Variants in ATXN1 observed in about 807,000 individuals in gnomAD.
The protein encoded by ATXN1 is ataxin-1.
In ATXN1, 8 loss-of-function variants were observed where a neutral mutation model predicts 56.4. The observed-to-expected ratio is 0.14, with a 90% CI of 0.08 to 0.26. The LOEUF (loss-of-function observed/expected upper bound fraction) is 0.26, where lower values mean the gene tolerates loss of function less well. ATXN1 is among the 10% of genes least tolerant of loss of function. The pLI is 1.00. For synonymous variants in ATXN1, 514 were observed against 494.6 expected, an observed-to-expected ratio of 1.04 and a Z score of -0.52; for missense variants, 987 against 1,106.5, an observed-to-expected ratio of 0.89 and a Z score of 1.53.
intron 2 of ATXN1, among the ~76,000 whole-genome samples, chr6:16,731,539 C>G (rs762817072): frequency 7.3e-6 from 1 of 136,434 alleles, no homozygotes; most frequent in Non-Finnish European, 1.5e-5. Flanking sequence ...TAAACCAGAG[C>G]GACCAAGGGC....
intron 6 of ATXN1, among the ~76,000 whole-genome samples, chr6:16,379,226 T>C (rs2113502859): frequency 6.6e-6 from 1 of 152,222 alleles, no homozygotes; most frequent in South Asian, 2.1e-4. Context: ...TGCAAAGGCA[T>C]AAGAATGATA....
chr6:16,706,069 A>T (rs1759399841), intron 2 of ATXN1, among the ~76,000 whole-genome samples: 1 of 152,046 alleles, frequency 6.6e-6, no homozygotes, highest in South Asian at 2.1e-4. Flanking sequence ...TTGCTCCTTC[A>T]GCCCATCCAT....
intron 6 of ATXN1, among the ~76,000 whole-genome samples, chr6:16,468,627 T>C (rs1184581741): frequency 6.6e-6 from 1 of 152,206 alleles, no homozygotes; most frequent in Non-Finnish European, 1.5e-5. Flanking sequence ...GGCTAGGAGT[T>C]GCTGGTATAT....
chr6:16,349,150 C>G (rs1044730159), intron 6 of ATXN1, among the ~76,000 whole-genome samples: 1 of 152,168 alleles, frequency 6.6e-6, no homozygotes, highest in Non-Finnish European at 1.5e-5. Flanking sequence ...CGATTATTTT[C>G]TAAGAAAGGC....
chr6:16,712,320 C>A (rs1177295692), intron 2 of ATXN1, among the ~76,000 whole-genome samples: 5 of 152,086 alleles, frequency 3.3e-5, no homozygotes, highest in African/African-American at 1.2e-4. Flanking sequence ...CCTGGAGGGT[C>A]TGTGGGGATA....
intron 7 of ATXN1, among the ~76,000 whole-genome samples, chr6:16,312,793 C>A (rs1313295062): frequency 6.6e-6 from 1 of 152,148 alleles, no homozygotes; most frequent in Non-Finnish European, 1.5e-5. Flanking sequence ...TCAGTCTCCT[C>A]GATACTAACC....
intron 4 of ATXN1, among the ~76,000 whole-genome samples, chr6:16,540,620 C>T (rs897174858): frequency 2.0e-5 from 3 of 152,154 alleles, no homozygotes; most frequent in Admixed American, 6.5e-5. Flanking sequence ...TGAAGTCACA[C>T]TGATAAATGG....
chr6:16,718,383 C>T (rs1283365214), intron 2 of ATXN1, among the ~76,000 whole-genome samples: 1 of 152,204 alleles, frequency 6.6e-6, no homozygotes, highest in Non-Finnish European at 1.5e-5. Flanking sequence ...GGAAGGAAAA[C>T]AAAACTAACT....
At chr6:16,519,302 G>T (rs984483200) in intron 5 of ATXN1, among the ~76,000 whole-genome samples, 5 of 152,144 alleles carry the variant, frequency 3.3e-5, no homozygotes, top group Non-Finnish European at 4.4e-5. Context: ...AAATGCTTCA[G>T]GAGTTCAGAG....
At chr6:16,342,353 A>G (rs1215199123) in intron 6 of ATXN1, among the ~76,000 whole-genome samples, 1 of 151,954 alleles carries the variant, frequency 6.6e-6, no homozygotes, top group Non-Finnish European at 1.5e-5. Flanking sequence ...AAAAAAAAAA[A>G]CAAAACAAAA....
At chr6:16,368,343 C>CTTTTTTTTTTT (rs10527935) in intron 6 of ATXN1, among the ~76,000 whole-genome samples, 1 of 75,868 alleles carries the variant, frequency 1.3e-5, no homozygotes, top group Non-Finnish European at 2.8e-5. Flanking sequence ...ACTTCTTCTT[C>CTTTTTTTTTTT]TTTTTTTTTT....
chr6:16,311,335 T>C lies in ATXN1; in HGVS notation c.1918-4476A>G, dbSNP rs542657877. On this transcript the variant is annotated intron_variant, in intron 7 of 7. Transcript: ENST00000436367. ...GTCATTGGCCCCCAAACCCATTTTC[T>C]TTTTTCTGTGCCTCCTGACCTCTAC... is the stretch of plus-strand genomic sequence containing the variant. Among the ~76,000 whole-genome samples, 5 of 152,328 alleles carry C rather than the reference T, an allele frequency of 3.3e-5. No individual in the cohort carries two copies. In the East Asian group the frequency reaches 9.6e-4, roughly 29 times the overall value.
intron 5 of ATXN1, among the ~76,000 whole-genome samples, chr6:16,504,993 C>CTTTTTTTTTTTTTTTTTTTT (rs34197922): frequency 1.0e-3 from 135 of 135,228 alleles, no homozygotes; most frequent in African/African-American, 3.7e-3. Flanking sequence ...CTCCTGTTTC[C>CTTTTTTTTTTTTTTTTTTTT]TTTTTTTTTT....
chr6:16,674,440 C>T (rs1758616891), intron 2 of ATXN1, among the ~76,000 whole-genome samples: 1 of 149,090 alleles, frequency 6.7e-6, no homozygotes, highest in Non-Finnish European at 1.5e-5. Context: ...AGCTCCGCCT[C>T]ATGGGTTCAA....
At chr6:16,509,833 C>CACTT (rs1222414658) in intron 5 of ATXN1, among the ~76,000 whole-genome samples, 1 of 152,144 alleles carries the variant, frequency 6.6e-6, no homozygotes, top group Non-Finnish European at 1.5e-5. Context: ...ATATGGCTTC[C>CACTT]ACTTACCTTC....
At chr6:16,746,207 CCT>C (rs139050317) in intron 2 of ATXN1, among the ~76,000 whole-genome samples, 180 of 152,264 alleles carry the variant, frequency 1.2e-3, no homozygotes, top group African/African-American at 4.2e-3. Flanking sequence ...TTTCACCCTC[CCT>C]CTCTGTCTAT....
At chr6:16,471,191 A>AACACACACACAC (rs5874560) in intron 6 of ATXN1, among the ~76,000 whole-genome samples, 21 of 148,102 alleles carry the variant, frequency 1.4e-4, no homozygotes, top group African/African-American at 5.0e-4. Context: ...TGGCAATTAA[A>AACACACACACAC]ACACACACAC....
intron 2 of ATXN1, among the ~76,000 whole-genome samples, chr6:16,743,793 G>A (rs897231446): frequency 1.3e-5 from 2 of 152,152 alleles, no homozygotes; most frequent in African/African-American, 2.4e-5. Flanking sequence ...GGGTTCTAAG[G>A]AGGAAGAACA....
At chr6:16,429,055 G>C (rs1439784639) in intron 6 of ATXN1, among the ~76,000 whole-genome samples, 2 of 151,930 alleles carry the variant, frequency 1.3e-5, no homozygotes, top group Non-Finnish European at 2.9e-5. Context: ...GCGAGGGTAG[G>C]GGGGTGGGAG....
Sources: allele counts gnomAD v4.1 joint callset (sites outside exome capture counted in the v4.1 genomes callset), GRCh38; gene constraint gnomAD v4.1.1; transcripts MANE v1.5; gene names NCBI Gene and HGNC (gene_info 2026-07-23, HGNC 2026-07-21).